Variants in ALS2 observed in about 807,000 individuals in gnomAD.
ALS2 encodes the protein alsin Rho guanine nucleotide exchange factor ALS2.
A neutral mutation model predicts 203.4 loss-of-function variants in ALS2; 117 were observed. The observed-to-expected ratio is 0.58, with a 90% CI of 0.50 to 0.67. The LOEUF (loss-of-function observed/expected upper bound fraction) is 0.67. Ranked by LOEUF, ALS2 falls within the 30% of genes least tolerant of loss-of-function variation. The pLI, the probability that ALS2 is intolerant of heterozygous loss-of-function variation, is 0.00. For missense variants in ALS2, 1,715 were observed against 1,989.4 expected (o/e 0.86, Z 2.62); for synonymous variants, 718 against 725.9 (o/e 0.99, Z 0.17).
In ALS2 at chr2:201,703,997, G is replaced by A. The variant is rs943796430; in HGVS notation, c.4935+125C>T. ...TGTTTTAAAGTGTAGAACAAAATGT[G>A]CTCTAAAGGCATTTAAGGTTTGCAT... is the stretch of plus-strand genomic sequence containing the variant. On this transcript the variant is annotated intron_variant, in intron 33 of 33. Transcript: ENST00000264276. 171 of 770,076 alleles carry A rather than the reference G, an allele frequency of 2.2e-4. 1 individual carries two copies. Among genetic ancestry groups the A allele is most frequent in the East Asian group, 4.0e-4 (15 of 37,322 alleles). 47.7% of individuals were successfully genotyped at this position (770,076 alleles called of 1,614,324 possible).
At chr2:201,722,983 T>TG in intron 23 of ALS2, 60 bp downstream of exon 23, 1 of 1,293,938 alleles carries the variant, frequency 7.7e-7, no homozygotes, top group South Asian at 1.3e-5. Context: ...ATTTTTAAAG[T>TG]AAAAAAAAAT....
intron 12 of ALS2, 153 bp from the exon 13 acceptor site, chr2:201,733,591 T>A: frequency 1.4e-6 from 1 of 694,180 alleles, no homozygotes. Flanking sequence ...CCAGATATAA[T>A]TAAAAGAATT....
At chr2:201,759,384 C>T in intron 4 of ALS2, 1 of 954,516 alleles carries the variant, frequency 1.0e-6, no homozygotes, top group Non-Finnish European at 1.2e-6. Context: ...AAATAAATTC[C>T]TTGTGAATTA....
rs1689587785 is a variant in ALS2 at position 201,704,595 on chromosome 2, A to G, written c.4697T>C (p.Phe1566Ser). The G allele has an allele frequency of 6.2e-7, 1 of 1,614,094 alleles. No individual in the cohort carries two copies. The highest frequency in any genetic ancestry group is 8.5e-7 in the Non-Finnish European group (1 of 1,179,992). ...VECLQQISTTFTPSDKLKVIQ... is the reference protein window; with the variant it reads ...VECLQQISTTSTPSDKLKVIQ... The stretch of plus-strand genomic sequence containing the variant: ...GACCTTAAGTTTGTCTGATGGGGTA[A>G]ATGTTGTGCTGTTACAGAAACAATG... The change falls in exon 32 of 34, where the codon TTT becomes TCT. Residue 1566 changes from phenylalanine (F) to serine (S), a missense_variant. Phe to Ser is a radical substitution (Grantham distance 155, BLOSUM62 -2). This residue lies in a region of ALS2 where 1,227 missense variants were observed against 1,413.5 expected (regional missense o/e 0.87). Coordinates refer to ENST00000264276, the MANE Select transcript of ALS2 (RefSeq NM_020919.4).
At chr2:201,760,478 A>G (rs1332130132) in intron 4 of ALS2, 1 of 1,000,174 alleles carries the variant, frequency 1.0e-6, no homozygotes, top group African/African-American at 1.7e-5. Flanking sequence ...TTAAAGAAGG[A>G]AAAGACTTTT....
chr2:201,707,477 G>A (rs867971658), intron 28 of ALS2, among the ~76,000 whole-genome samples: 3 of 151,678 alleles, frequency 2.0e-5, no homozygotes, highest in African/African-American at 7.3e-5. Context: ...CACCCAGGCT[G>A]GAGCGCAATG....
chr2:201,734,471 A>C (rs1691758394), intron 12 of ALS2, among the ~76,000 whole-genome samples: 1 of 152,084 alleles, frequency 6.6e-6, no homozygotes, highest in Admixed American at 6.6e-5. Flanking sequence ...CTGTCTCAAA[A>C]AAAAAAAAAG....
At chr2:201,779,821 T>C (rs1388702922) in intron 1 of ALS2, among the ~76,000 whole-genome samples, 1 of 152,212 alleles carries the variant, frequency 6.6e-6, no homozygotes, top group Non-Finnish European at 1.5e-5. Flanking sequence ...TCTTAACCAC[T>C]ATGCTTATGT....
At chr2:201,721,765 G>A (rs1346347231) in intron 23 of ALS2, among the ~76,000 whole-genome samples, 2 of 152,070 alleles carry the variant, frequency 1.3e-5, no homozygotes, top group Non-Finnish European at 2.9e-5. Context: ...CCAGGTTCAC[G>A]CCATTCTCCT....
intron 13 of ALS2, among the ~76,000 whole-genome samples, chr2:201,730,693 A>G (rs79078118): frequency 0.086 from 13,017 of 152,174 alleles, 612 homozygotes; most frequent in Middle Eastern, 0.11. Flanking sequence ...TATCACAGTC[A>G]TGCTTTTTCT....
At chr2:201,778,972 C>G (rs1049007402) in intron 1 of ALS2, among the ~76,000 whole-genome samples, 4 of 152,274 alleles carry the variant, frequency 2.6e-5, no homozygotes, top group Non-Finnish European at 5.9e-5. Context: ...TTTTACAAGT[C>G]AGTCACATTT....
intron 32 of ALS2, 107 bp downstream of exon 32, chr2:201,704,347 G>A (rs1689569777): frequency 7.4e-6 from 11 of 1,477,802 alleles, no homozygotes; most frequent in Admixed American, 5.3e-5. Context: ...TGGGTTAATC[G>A]ATTTTTTTCT....
chr2:201,765,552 CA>C (rs1396361938), intron 3 of ALS2: 1 of 166,914 alleles, frequency 6.0e-6, no homozygotes. Context: ...CCCATACAAC[CA>C]CCAGGACCAG....
chr2:201,715,450 T>C (rs1044983954), intron 25 of ALS2, among the ~76,000 whole-genome samples: 10 of 152,260 alleles, frequency 6.6e-5, no homozygotes, highest in Non-Finnish European at 1.3e-4. Context: ...TACTTGTTGA[T>C]ATTTACTTTT....
At chr2:201,717,493 A>G (rs1690478445) in intron 24 of ALS2, among the ~76,000 whole-genome samples, 2 of 151,544 alleles carry the variant, frequency 1.3e-5, no homozygotes, top group Non-Finnish European at 2.9e-5. Context: ...AAAAAAAAAA[A>G]GAACACTCTC....
intron 12 of ALS2, among the ~76,000 whole-genome samples, chr2:201,734,895 G>T (rs1455162108): frequency 6.6e-6 from 1 of 151,980 alleles, no homozygotes; most frequent in Non-Finnish European, 1.5e-5. Flanking sequence ...ATATGGCAAG[G>T]TCTGTACTTT....
chr2:201,717,611 C>T (rs1226600408), intron 24 of ALS2, among the ~76,000 whole-genome samples: 1 of 142,360 alleles, frequency 7.0e-6, no homozygotes, highest in Non-Finnish European at 1.5e-5. Context: ...TGTCAGTTGA[C>T]AATTCAAGGA....
intron 6 of ALS2, among the ~76,000 whole-genome samples, chr2:201,753,819 G>C (rs1693218230): frequency 6.6e-6 from 1 of 152,006 alleles, no homozygotes; most frequent in South Asian, 2.1e-4. Flanking sequence ...AAAACTGTTG[G>C]CTCTTTTCTT....
chr2:201,705,518 C>A, intron 29 of ALS2, 57 bp from the exon 30 acceptor site: 2 of 1,389,826 alleles, frequency 1.4e-6, no homozygotes, highest in Non-Finnish European at 1.0e-6. Flanking sequence ...AAACAAAATC[C>A]CATAAAAATA....
Sources: allele counts gnomAD v4.1 joint callset (sites outside exome capture counted in the v4.1 genomes callset), GRCh38; gene constraint gnomAD v4.1.1; regional missense constraint gnomAD v4.1.1; transcripts MANE v1.5; gene names NCBI Gene and HGNC (gene_info 2026-07-23, HGNC 2026-07-21).